The following TBCD variants were observed in gnomAD, a reference collection of about 807,000 sequenced individuals.
The protein encoded by TBCD is tubulin-specific chaperone D.
In TBCD, 105 loss-of-function variants were observed where a neutral mutation model predicts 169.3. The observed-to-expected ratio is 0.62, with a 90% CI of 0.53 to 0.73. TBCD has a LOEUF of 0.73. Ranked by LOEUF, TBCD falls within the 30% of genes least tolerant of loss-of-function variation. The pLI, the probability that TBCD is intolerant of heterozygous loss-of-function variation, is 0.00. For synonymous variants in TBCD, 700 were observed against 643.9 expected (o/e 1.09, Z -1.32); for missense variants, 1,444 against 1,600.1 (o/e 0.90, Z 1.66).
chr17:82,760,216 C>G (rs2047681951), intron 2 of TBCD, among the ~76,000 whole-genome samples: 1 of 152,148 alleles, frequency 6.6e-6, no homozygotes, highest in Non-Finnish European at 1.5e-5. Flanking sequence ...TGCCTGGCAT[C>G]CTTTCCTCTT....
chr17:82,830,141 G>T, intron 13 of TBCD: 2 of 1,613,586 alleles, frequency 1.2e-6, no homozygotes, highest in Non-Finnish European at 1.7e-6. Context: ...TGAACCCGGC[G>T]TTAGGACACC....
chr17:82,781,897 A>C (rs546016703), intron 7 of TBCD, among the ~76,000 whole-genome samples, 176 bp downstream of exon 7: 5 of 152,202 alleles, frequency 3.3e-5, no homozygotes, highest in African/African-American at 1.2e-4. Context: ...GTCCTGCCTC[A>C]GGCAGGGCTG....
chr17:82,922,357 G>A lies in TBCD; in HGVS notation c.2178+780G>A, dbSNP rs1022806835. ...GCCTGGGTGACAAGAGCAAGACCCTGCCTCAAAAACAAAAACAAAAACAAA... is the reference window on the plus strand; with the variant it reads ...GCCTGGGTGACAAGAGCAAGACCCTACCTCAAAAACAAAAACAAAAACAAA... On this transcript the variant is annotated intron_variant, in intron 25 of 38. Transcript: ENST00000355528. This position sits in a 1 kb window ranked among gnomAD's most constrained non-coding sequence, Gnocchi z 4.1. Among the ~76,000 whole-genome samples, 1 of 150,606 alleles carries A rather than the reference G, an allele frequency of 6.6e-6. No homozygotes were observed. Among genetic ancestry groups the A allele is most frequent in the Admixed American group, 6.6e-5 (1 of 15,170 alleles).
chr17:82,927,954 G>T lies in TBCD; in HGVS notation c.2659G>T (p.Ala887Ser). ...TCTGATGGATCTGACACTTCTGCTG[G>T]CTCGGAGCCAGCCTGAGCTGATCGA... Reference protein sequence around the residue: ...TSLMDLTLLLARSQPELIEAH... With the variant: ...TSLMDLTLLLSRSQPELIEAH... Residue 887 changes from alanine to serine, a missense_variant, in exon 30 of 39, where the codon GCT becomes TCT. Coordinates refer to ENST00000355528, the MANE Select transcript of TBCD (RefSeq NM_005993.5). 6.2e-7 allele frequency: 1 copy of T among 1,612,934 alleles called. No homozygotes were observed. The highest frequency in any genetic ancestry group is 2.2e-5 in the East Asian group (1 of 44,882).
rs1287562519 is a variant in TBCD at position 82,874,244 on chromosome 17, TGAA to T, written c.1475+3866_1475+3868del. On this transcript the variant is annotated intron_variant, in intron 14 of 38. Coordinates refer to ENST00000355528, the MANE Select transcript of TBCD (RefSeq NM_005993.5). This position sits in a 1 kb window ranked among gnomAD's most constrained non-coding sequence, Gnocchi z 5.0. Reference sequence around the variant, plus strand: ...CTGGGACTCCTGAGTTTCTCAGGCCTGAAGGACTGTAGGACGCACTGTGGGCTG... The same window carrying T: ...CTGGGACTCCTGAGTTTCTCAGGCCTGGACTGTAGGACGCACTGTGGGCTG... Among the ~76,000 whole-genome samples the T allele has an allele frequency of 6.6e-6, 1 of 152,128 alleles. No individual in the cohort carries two copies. The highest frequency in any genetic ancestry group is 1.5e-5 in the Non-Finnish European group (1 of 68,000).
In TBCD at chr17:82,890,937, C is replaced by T. The variant is rs913151813; in HGVS notation, c.1563+1240C>T. 2.6e-5 allele frequency among the ~76,000 whole-genome samples: 4 copies of T among 152,308 alleles called. No homozygotes were observed. Among genetic ancestry groups the T allele is most frequent in the Non-Finnish European group, 5.9e-5 (4 of 68,026 alleles). On this transcript the variant is annotated intron_variant, in intron 16 of 38. Coordinates refer to ENST00000355528, the MANE Select transcript of TBCD (RefSeq NM_005993.5). The surrounding 1 kb of genome is among the most constrained non-coding windows in gnomAD (Gnocchi z 5.3). ...CTTGTTGGAAACCACTTAGCTGAGC[C>T]TAGGGACTTGCCAGCTTCCTGGAAA...
intron 2 of TBCD, among the ~76,000 whole-genome samples, chr17:82,761,854 T>C (rs1323287784): frequency 1.3e-5 from 2 of 151,490 alleles, no homozygotes; most frequent in Non-Finnish European, 2.9e-5. Context: ...GCCTCCCGAG[T>C]AGCTGGGACT....
chr17:82,936,431 C>T (rs1487593682), intron 34 of TBCD, among the ~76,000 whole-genome samples: 2 of 152,188 alleles, frequency 1.3e-5, no homozygotes, highest in Admixed American at 6.5e-5. Context: ...CTTTTCCTGC[C>T]TGTTTGGCTG....
intron 13 of TBCD, among the ~76,000 whole-genome samples, chr17:82,823,113 CA>C (rs529590147): frequency 1.3e-5 from 2 of 152,342 alleles, no homozygotes; most frequent in Admixed American, 1.3e-4. Context: ...TCCAGGAGAG[CA>C]GCTCCAGCTG....
chr17:82,914,041 G>A (rs1236612793), intron 23 of TBCD: 1 of 152,304 alleles, frequency 6.6e-6, no homozygotes, highest in Non-Finnish European at 1.5e-5. Context: ...TATTTGGAAA[G>A]ACTTGAGACA....
chr17:82,881,658 C>G (rs541301994), intron 14 of TBCD, among the ~76,000 whole-genome samples: 2 of 152,184 alleles, frequency 1.3e-5, no homozygotes, highest in East Asian at 3.9e-4. Flanking sequence ...GCGTTGATGT[C>G]GTTGTGGAGC....
intron 23 of TBCD, among the ~76,000 whole-genome samples, chr17:82,914,902 G>T (rs1014260893): frequency 6.6e-6 from 1 of 152,184 alleles, no homozygotes; most frequent in South Asian, 2.1e-4. Flanking sequence ...AAATAGTTCT[G>T]CATAGCGTCT....
At chr17:82,928,177 C>T (rs192985571) in intron 30 of TBCD, among the ~76,000 whole-genome samples, 189 bp downstream of exon 30, 186 of 152,308 alleles carry the variant, frequency 1.2e-3, no homozygotes, top group African/African-American at 4.1e-3. Flanking sequence ...ATAGCCATGG[C>T]GTGAGCTGGG....
intron 7 of TBCD, among the ~76,000 whole-genome samples, chr17:82,784,536 A>G (rs149604926): frequency 2.6e-5 from 4 of 152,240 alleles, no homozygotes; most frequent in African/African-American, 9.6e-5. Flanking sequence ...TCCTCAGGGA[A>G]TGTGCGTTTT....
chr17:82,772,040 G>T (rs1158042397), intron 5 of TBCD, among the ~76,000 whole-genome samples: 1 of 152,192 alleles, frequency 6.6e-6, no homozygotes, highest in Non-Finnish European at 1.5e-5. Flanking sequence ...GTGCTCTTCA[G>T]TTTGAACAGG....
At chr17:82,909,061 G>C (rs1480778677) in intron 21 of TBCD, among the ~76,000 whole-genome samples, 2 of 152,176 alleles carry the variant, frequency 1.3e-5, no homozygotes, top group Non-Finnish European at 2.9e-5. Context: ...CCCTCTCTCT[G>C]TGCCTCAGTT....
chr17:82,891,260 T>C (rs1403403179), intron 16 of TBCD, among the ~76,000 whole-genome samples: 5 of 152,214 alleles, frequency 3.3e-5, no homozygotes, highest in Non-Finnish European at 7.3e-5. Context: ...GGGGATTGAT[T>C]GACAGGGAAA....
At chr17:82,791,003 G>T (rs1302042473) in intron 7 of TBCD, among the ~76,000 whole-genome samples, 2 of 152,034 alleles carry the variant, frequency 1.3e-5, no homozygotes, top group Non-Finnish European at 2.9e-5. Context: ...GAGCCCGTGG[G>T]CTGCTTGGTG....
intron 13 of TBCD, among the ~76,000 whole-genome samples, chr17:82,848,023 T>C (rs1280272032): frequency 6.6e-6 from 1 of 152,210 alleles, no homozygotes; most frequent in Non-Finnish European, 1.5e-5. Context: ...CCCTTTTTCC[T>C]ACCAAGGCCC....
Sources: allele counts gnomAD v4.1 joint callset (sites outside exome capture counted in the v4.1 genomes callset), GRCh38; gene constraint gnomAD v4.1.1; non-coding constraint Gnocchi (gnomAD v3.1); transcripts MANE v1.5; gene names NCBI Gene and HGNC (gene_info 2026-07-23, HGNC 2026-07-21).